Variants in RAB40C observed in about 807,000 individuals in gnomAD.
RAB40C encodes ras-related protein Rab-40C.
A neutral mutation model predicts 28.1 loss-of-function variants in RAB40C; 8 were observed. That is an observed-to-expected ratio of 0.28 (90% confidence interval 0.17 to 0.51). The LOEUF is 0.51. RAB40C is among the 20% of genes least tolerant of loss of function. The pLI is 0.97. For missense variants in RAB40C, 288 were observed against 405.9 expected (o/e 0.71, Z 2.50); for synonymous variants, 201 against 171.7 (o/e 1.17, Z -1.34).
At position 629,176 on chromosome 16, in the gene RAB40C, C is replaced by G. The variant is rs2036904699; in HGVS notation, c.*1554C>G. ...GACCTGGATGGTCCTGCATTCACGG[C>G]ATCAACACTACCCGCGCTGCTGTTA... On this transcript the variant is annotated 3_prime_UTR_variant, in exon 6 of 6. Transcript: ENST00000248139. 4.6e-6 allele frequency: 1 copy of G among 216,222 alleles called. No individual in the cohort carries two copies. Among genetic ancestry groups the G allele is most frequent in the Non-Finnish European group, 9.7e-6 (1 of 103,064 alleles). 13.4% of individuals were successfully genotyped at this position (216,222 alleles called of 1,614,324 possible).
intron 5 of RAB40C, 102 bp downstream of exon 5, chr16:626,223 C>G: frequency 7.9e-7 from 1 of 1,262,268 alleles, no homozygotes; most frequent in Non-Finnish European, 1.1e-6. Context: ...GAGGTTCAGG[C>G]AGGTCCCTTG....
intron 3 of RAB40C, among the ~76,000 whole-genome samples, chr16:618,718 A>G (rs1208834090): frequency 8.8e-6 from 1 of 113,218 alleles, no homozygotes; most frequent in Non-Finnish European, 1.8e-5. Context: ...ACTCAGGGCC[A>G]TGTGTGTGCA....
Position 627,701 on chromosome 16 carries a change from C to A in RAB40C, c.*79C>A. The stretch of plus-strand genomic sequence containing the variant: ...TCCTGGCTGGACGCCAGGCCAGTGC[C>A]GCCTACGTGGAGACTGTCCACACAG... On this transcript the variant is annotated 3_prime_UTR_variant, in exon 6 of 6. Transcript: ENST00000248139. The A allele has an allele frequency of 6.9e-7, 1 of 1,452,914 alleles. No homozygotes were observed. The highest frequency in any genetic ancestry group is 2.1e-4 in the Middle Eastern group (1 of 4,804). The allele number at this position is 1,452,914 out of a possible 1,614,324, so 90.0% of individuals were successfully genotyped here.
At position 627,767 on chromosome 16, in the gene RAB40C, G is replaced by C. The variant is rs904798014; in HGVS notation, c.*145G>C. The C allele has an allele frequency of 6.5e-6, 7 of 1,080,838 alleles. No individual in the cohort carries two copies. Among genetic ancestry groups the C allele is most frequent in the Non-Finnish European group, 8.9e-6 (7 of 788,750 alleles). 67.0% of individuals were successfully genotyped at this position (1,080,838 alleles called of 1,614,324 possible). On this transcript the variant is annotated 3_prime_UTR_variant, in exon 6 of 6. Transcript: ENST00000248139. The stretch of plus-strand genomic sequence containing the variant: ...CGGGCTTTCCTCACACCTGAGCCGG[G>C]TGCGAGGAGGAGCATGCACGGACCA...
At chr16:616,149 A>G (rs34498660) in intron 1 of RAB40C, among the ~76,000 whole-genome samples, 69,866 of 150,418 alleles carry the variant, frequency 0.46, 16,585 homozygotes, top group East Asian at 0.64. Flanking sequence ...TCAGCTACTC[A>G]GCAGGCTGAG....
At chr16:624,641 C>T (rs1478839631) in intron 3 of RAB40C, 3 of 985,336 alleles carry the variant, frequency 3.0e-6, no homozygotes, top group African/African-American at 3.5e-5. Context: ...TCTTCCATTA[C>T]GTGAAGGTTT....
At chr16:598,580 AG>A (rs768686664) in intron 1 of RAB40C, among the ~76,000 whole-genome samples, 7 of 150,076 alleles carry the variant, frequency 4.7e-5, no homozygotes, top group South Asian at 2.1e-4. Context: ...AAAAAAAAAA[AG>A]AAAAAAGAAA....
At chr16:621,906 G>A (rs56980831) in intron 3 of RAB40C, among the ~76,000 whole-genome samples, 2,581 of 152,266 alleles carry the variant, frequency 0.017, 71 homozygotes, top group African/African-American at 0.049. Context: ...CTGGCTTGTC[G>A]GCACACAGGT....
Position 613,152 on chromosome 16 carries a change from C to T in RAB40C, c.143-4056C>T, listed in dbSNP as rs1220200725. On this transcript the variant is annotated intron_variant, in intron 1 of 5. Transcript: ENST00000248139. ...CTGTAGAATCAAGAGCAGGGACAGCCGCCCTGGCCTGTAGAATCAAGAGCA... is the reference window on the plus strand; with the variant it reads ...CTGTAGAATCAAGAGCAGGGACAGCTGCCCTGGCCTGTAGAATCAAGAGCA... Among the ~76,000 whole-genome samples, 596 of 143,102 alleles carry T rather than the reference C, an allele frequency of 4.2e-3. 1 individual carries two copies. The highest frequency in any genetic ancestry group is 7.6e-3 in the Admixed American group (111 of 14,578). The allele number at this position is 143,102 out of a possible 152,430, so 93.9% of individuals were successfully genotyped here.
chr16:621,786 G>A (rs967058589), intron 3 of RAB40C, among the ~76,000 whole-genome samples: 2 of 152,254 alleles, frequency 1.3e-5, no homozygotes, highest in Admixed American at 6.5e-5. Context: ...AGCGGGCTTA[G>A]TGCCAGGAAG....
chr16:593,416 G>T (rs192350094), intron 1 of RAB40C, among the ~76,000 whole-genome samples: 1 of 152,380 alleles, frequency 6.6e-6, no homozygotes, highest in East Asian at 1.9e-4. Context: ...TCTCTCCTTT[G>T]TTGGGAGGTG....
At chr16:618,126 C>A in intron 2 of RAB40C, 74 bp from the exon 3 acceptor site, 4 of 1,440,566 alleles carry the variant, frequency 2.8e-6, no homozygotes, top group South Asian at 2.4e-5. Context: ...CCAGGTGGGT[C>A]GGCAGAGGAG....
chr16:626,798 C>T (rs1041610737), intron 5 of RAB40C, among the ~76,000 whole-genome samples: 15 of 152,128 alleles, frequency 9.9e-5, no homozygotes, highest in African/African-American at 3.4e-4. Flanking sequence ...ATTAACCGGG[C>T]GTGGTGACGC....
At chr16:590,772 A>G (rs2035977032) in intron 1 of RAB40C, among the ~76,000 whole-genome samples, 1 of 149,214 alleles carries the variant, frequency 6.7e-6, no homozygotes, top group South Asian at 2.1e-4. Flanking sequence ...TGGGTCCTAG[A>G]GAAGGTGTCA....
chr16:627,303 C>T, intron 5 of RAB40C, 39 bp from the exon 6 acceptor site: 1 of 1,582,912 alleles, frequency 6.3e-7, no homozygotes, highest in Non-Finnish European at 8.6e-7. Flanking sequence ...GGCCTCCTCC[C>T]CCACAGCCCC....
chr16:608,984 G>GCA (rs1024169267), intron 1 of RAB40C, among the ~76,000 whole-genome samples: 2 of 152,128 alleles, frequency 1.3e-5, no homozygotes, highest in Non-Finnish European at 2.9e-5. Context: ...GTGTGGTGGT[G>GCA]CACACCTGTA....
upstream of RAB40C, chr16:589,695 G>A (rs959534986): frequency 5.9e-5 from 9 of 152,222 alleles, no homozygotes; most frequent in Admixed American, 3.9e-4. Context: ...CAGCCGCAGG[G>A]AAGGGAATGA....
At chr16:593,329 C>G (rs1223921974) in intron 1 of RAB40C, among the ~76,000 whole-genome samples, 1 of 152,232 alleles carries the variant, frequency 6.6e-6, no homozygotes, top group African/African-American at 2.4e-5. Flanking sequence ...AATTTATTCT[C>G]CTTTGAAAGA....
At chr16:627,123 C>T (rs771689887) in intron 5 of RAB40C, among the ~76,000 whole-genome samples, 2 of 152,214 alleles carry the variant, frequency 1.3e-5, no homozygotes, top group African/African-American at 2.4e-5. Context: ...CACCGCCCAG[C>T]GTGCCTGGCT....
Sources: allele counts gnomAD v4.1 joint callset (sites outside exome capture counted in the v4.1 genomes callset), GRCh38; gene constraint gnomAD v4.1.1; transcripts MANE v1.5; gene names NCBI Gene and HGNC (gene_info 2026-07-23, HGNC 2026-07-21).